The following XKR4 variants were observed in gnomAD, a reference collection of about 807,000 sequenced individuals.
XKR4 encodes the protein XK related 4, also known as XK-related protein 4.
Under a neutral mutation model 53.9 loss-of-function variants are expected in XKR4, and 12 were observed. The ratio of observed to expected loss-of-function variants is 0.22; its 90% CI spans 0.14 to 0.36. XKR4 has a LOEUF of 0.36. XKR4 is among the 10% of genes least tolerant of loss of function. XKR4 has a pLI of 1.00. For missense variants in XKR4, 799 were observed against 859.5 expected, an observed-to-expected ratio of 0.93 and a Z score of 0.88; for synonymous variants, 354 against 362.4, an observed-to-expected ratio of 0.98 and a Z score of 0.26.
intron 2 of XKR4, among the ~76,000 whole-genome samples, chr8:55,405,998 AC>A (rs1446798118): frequency 6.6e-6 from 1 of 152,166 alleles, no homozygotes; most frequent in African/African-American, 2.4e-5. Flanking sequence ...TCAGTAAAAC[AC>A]ATGTAGATTT....
chr8:55,254,881 A>T (rs575574947), intron 1 of XKR4, among the ~76,000 whole-genome samples: 1 of 152,258 alleles, frequency 6.6e-6, no homozygotes, highest in East Asian at 1.9e-4. Context: ...GGCCCCCAAT[A>T]TTGAAAGATT....
intron 1 of XKR4, among the ~76,000 whole-genome samples, chr8:55,234,763 A>G (rs1290984457): frequency 2.6e-5 from 4 of 152,218 alleles, no homozygotes; most frequent in Non-Finnish European, 5.9e-5. Context: ...CAAGAATACA[A>G]TAATCAAACG....
chr8:55,230,922 A>G (rs1409614168), intron 1 of XKR4, among the ~76,000 whole-genome samples: 2 of 151,830 alleles, frequency 1.3e-5, no homozygotes, highest in Non-Finnish European at 2.9e-5. Context: ...TCATCCATCC[A>G]TCCTTCCACA....
rs1818001829 is a variant in XKR4 at position 55,229,499 on chromosome 8, A to C, written c.806+126205A>C. Among the ~76,000 whole-genome samples the C allele has an allele frequency of 4.6e-5, 7 of 152,254 alleles. No individual in the cohort carries two copies. The South Asian group carries it at 1.4e-3, about 31-fold the overall frequency. On this transcript the variant is annotated intron_variant, in intron 1 of 2. Transcript: ENST00000327381. ...GGGCCTGGAACACAGGAAGTGCTCC[A>C]TGCGCAGTTGTATGGCTGGATGGAT...
chr8:55,406,128 T>A (rs1804678647), intron 2 of XKR4, among the ~76,000 whole-genome samples: 1 of 152,210 alleles, frequency 6.6e-6, no homozygotes. Context: ...TTGGATAAAG[T>A]GATTTAACAG....
At chr8:55,198,500 A>G (rs1232517494) in intron 1 of XKR4, among the ~76,000 whole-genome samples, 1 of 151,556 alleles carries the variant, frequency 6.6e-6, no homozygotes, top group African/African-American at 2.4e-5. Context: ...ATATGTTATA[A>G]TAAAATGTAT....
At chr8:55,443,515 T>G (rs1375371947) in intron 2 of XKR4, among the ~76,000 whole-genome samples, 1 of 113,206 alleles carries the variant, frequency 8.8e-6, no homozygotes, top group Non-Finnish European at 1.8e-5. Flanking sequence ...TTTGTAGATT[T>G]ATAATCAGTT....
At chr8:55,365,229 G>A (rs1803960888) in intron 2 of XKR4, among the ~76,000 whole-genome samples, 1 of 152,198 alleles carries the variant, frequency 6.6e-6, no homozygotes, top group Non-Finnish European at 1.5e-5. Context: ...TGTGCGCGCT[G>A]GCTGCCGCTG....
At chr8:55,147,432 G>T (rs1239359704) in intron 1 of XKR4, among the ~76,000 whole-genome samples, 1 of 152,198 alleles carries the variant, frequency 6.6e-6, no homozygotes, top group Admixed American at 6.5e-5. Context: ...AAGACACTTA[G>T]GGAGGAGAGC....
At chr8:55,429,026 T>A (rs1805059809) in intron 2 of XKR4, among the ~76,000 whole-genome samples, 1 of 152,182 alleles carries the variant, frequency 6.6e-6, no homozygotes, top group African/African-American at 2.4e-5. Flanking sequence ...AGCTACGTAA[T>A]CAAGACCCTG....
intron 1 of XKR4, among the ~76,000 whole-genome samples, chr8:55,204,270 T>G (rs1817613831): frequency 6.6e-6 from 1 of 152,100 alleles, no homozygotes; most frequent in Non-Finnish European, 1.5e-5. Flanking sequence ...CCTCCTAAAA[T>G]AAATCCAAAG....
intron 1 of XKR4, among the ~76,000 whole-genome samples, chr8:55,342,727 A>G (rs1299557276): frequency 1.3e-5 from 2 of 151,892 alleles, no homozygotes; most frequent in Non-Finnish European, 2.9e-5. Flanking sequence ...CCCAGGTTTC[A>G]CCTCTCTAGT....
At chr8:55,355,069 A>G (rs1803779024) in intron 1 of XKR4, among the ~76,000 whole-genome samples, 1 of 151,968 alleles carries the variant, frequency 6.6e-6, no homozygotes, top group Admixed American at 6.6e-5. Flanking sequence ...ACACCCAGCT[A>G]ATTTTTGTAT....
At chr8:55,512,135 A>C (rs1351138965) in intron 2 of XKR4, among the ~76,000 whole-genome samples, 1 of 152,204 alleles carries the variant, frequency 6.6e-6, no homozygotes, top group Non-Finnish European at 1.5e-5. Flanking sequence ...CAGCTCCAGA[A>C]GTGACCTCTG....
At chr8:55,384,878 C>T (rs1353253640) in intron 2 of XKR4, among the ~76,000 whole-genome samples, 1 of 152,116 alleles carries the variant, frequency 6.6e-6, no homozygotes, top group African/African-American at 2.4e-5. Flanking sequence ...TTTTTGGCAC[C>T]CAAAACAGGT....
chr8:55,205,209 T>C (rs1213927930), intron 1 of XKR4, among the ~76,000 whole-genome samples: 1 of 152,246 alleles, frequency 6.6e-6, no homozygotes, highest in East Asian at 1.9e-4. Context: ...CAGCCTTTTC[T>C]AAGAAGCAAA....
chr8:55,326,326 C>T (rs1043779959), intron 1 of XKR4, among the ~76,000 whole-genome samples: 1 of 152,262 alleles, frequency 6.6e-6, no homozygotes, highest in Middle Eastern at 3.4e-3. Flanking sequence ...TCACAATAAC[C>T]AGGCATGATC....
Position 55,537,951 on chromosome 8 carries a change from T to C in XKR4, c.*13724T>C, listed in dbSNP as rs1324922816. ...CAGCAACAAAGACGTGACAACCTAT[T>C]GTCCTCCACAAAAGCATGAGTCATT... On this transcript the variant is annotated 3_prime_UTR_variant, in exon 3 of 3. Coordinates refer to ENST00000327381, the MANE Select transcript of XKR4 (RefSeq NM_052898.2). 1 of 152,226 alleles carries C rather than the reference T, an allele frequency of 6.6e-6. No homozygotes were observed. Among genetic ancestry groups the C allele is most frequent in the African/African-American group, 2.4e-5 (1 of 41,472 alleles). The allele number at this position is 152,226 out of a possible 1,614,324, so 9.4% of individuals were successfully genotyped here.
At chr8:55,412,461 C>A (rs1032174920) in intron 2 of XKR4, among the ~76,000 whole-genome samples, 2 of 152,110 alleles carry the variant, frequency 1.3e-5, no homozygotes. Flanking sequence ...AGAGTCAAGG[C>A]TGACATCCAG....
Sources: gnomAD v4.1 joint callset for allele counts (sites outside exome capture counted in the v4.1 genomes callset) on GRCh38, gnomAD v4.1.1 for gene constraint, MANE v1.5 for transcripts, NCBI Gene and HGNC (gene_info 2026-07-23, HGNC 2026-07-21) for gene names.